SEMA3A: variants seen among roughly 807,000 people sequenced by gnomAD.
SEMA3A encodes the protein semaphorin-3A.
In SEMA3A, 29 loss-of-function variants were observed where a neutral mutation model predicts 97.9. The observed-to-expected ratio is 0.30, with a 90% CI of 0.22 to 0.40. The LOEUF (loss-of-function observed/expected upper bound fraction) is 0.40, where lower values mean the gene tolerates loss of function less well. Among genes scored for constraint, SEMA3A ranks in the 10% least tolerant of loss-of-function variants. SEMA3A has a pLI of 1.00. For synonymous variants in SEMA3A, 321 were observed against 323.7 expected (o/e 0.99, Z 0.09); for missense variants, 763 against 951.3 (o/e 0.80, Z 2.60).
intron 2 of SEMA3A, among the ~76,000 whole-genome samples, chr7:84,352,934 T>C (rs1007886625): frequency 6.6e-6 from 1 of 151,796 alleles, no homozygotes; most frequent in African/African-American, 2.4e-5. Context: ...TAAAGATAAG[T>C]ATCAAATTAA....
At chr7:84,446,225 AG>A (rs1805411802) in intron 1 of SEMA3A, among the ~76,000 whole-genome samples, 2 of 152,220 alleles carry the variant, frequency 1.3e-5, no homozygotes, top group Non-Finnish European at 1.5e-5. Flanking sequence ...CTCTTGATAA[AG>A]AAAAGCATCA....
At chr7:84,395,135 T>C (rs1803690150) in intron 1 of SEMA3A, among the ~76,000 whole-genome samples, 1 of 152,122 alleles carries the variant, frequency 6.6e-6, no homozygotes, top group Non-Finnish European at 1.5e-5. Flanking sequence ...AAATTTCTTA[T>C]GTCACTAGTA....
chr7:84,086,068 C>T (rs1047663051), intron 4 of SEMA3A, among the ~76,000 whole-genome samples: 3 of 152,110 alleles, frequency 2.0e-5, no homozygotes, highest in African/African-American at 7.2e-5. Context: ...ACCCCTGTTG[C>T]TATTATAACT....
At chr7:84,390,841 T>A (rs534192184) in intron 1 of SEMA3A, among the ~76,000 whole-genome samples, 2 of 152,288 alleles carry the variant, frequency 1.3e-5, no homozygotes, top group South Asian at 4.1e-4. Context: ...TGCTGGTGAA[T>A]GAGGAGTTAA....
At chr7:84,218,710 T>A (rs1199075248) in intron 3 of SEMA3A, among the ~76,000 whole-genome samples, 1 of 152,142 alleles carries the variant, frequency 6.6e-6, no homozygotes, top group Non-Finnish European at 1.5e-5. Flanking sequence ...CTGAGTATGG[T>A]AATATAAATG....
intron 1 of SEMA3A, among the ~76,000 whole-genome samples, chr7:84,466,114 C>A (rs199940387): frequency 1.3e-5 from 2 of 152,086 alleles, no homozygotes; most frequent in East Asian, 3.9e-4. Flanking sequence ...CAAAATGCAA[C>A]TTAGTTTTTG....
At chr7:84,475,178 T>G (rs1384314666) in intron 1 of SEMA3A, among the ~76,000 whole-genome samples, 1 of 151,010 alleles carries the variant, frequency 6.6e-6, no homozygotes, top group Non-Finnish European at 1.5e-5. Context: ...TGTGTTTTGT[T>G]TTTTTTTTAA....
chr7:84,155,194 C>T (rs1796804506), intron 1 of SEMA3A, among the ~76,000 whole-genome samples: 1 of 152,148 alleles, frequency 6.6e-6, no homozygotes, highest in African/African-American at 2.4e-5. Flanking sequence ...CAGCACTCTT[C>T]CCCGTGAAGA....
chr7:84,194,100 G>A (rs1226204678), intron 1 of SEMA3A, among the ~76,000 whole-genome samples: 1 of 151,934 alleles, frequency 6.6e-6, no homozygotes, highest in Non-Finnish European at 1.5e-5. Context: ...TTATAGGTAA[G>A]GCATGCACAT....
intron 3 of SEMA3A, among the ~76,000 whole-genome samples, chr7:84,208,407 C>G (rs757950022): frequency 3.7e-5 from 2 of 54,540 alleles, no homozygotes; most frequent in South Asian, 6.7e-4. Flanking sequence ...AGCCGAGATC[C>G]TGCCACTGCA....
At chr7:84,329,732 T>C (rs1053879869) in intron 2 of SEMA3A, among the ~76,000 whole-genome samples, 2 of 152,116 alleles carry the variant, frequency 1.3e-5, no homozygotes, top group African/African-American at 2.4e-5. Flanking sequence ...TGCTACATTA[T>C]ATTTTCTAAT....
chr7:84,449,356 T>C (rs1451852900), intron 1 of SEMA3A, among the ~76,000 whole-genome samples: 1 of 151,762 alleles, frequency 6.6e-6, no homozygotes, highest in African/African-American at 2.4e-5. Flanking sequence ...ACAAACTAAG[T>C]ACAAATCAAT....
At chr7:84,471,172 C>A (rs1048498699) in intron 1 of SEMA3A, among the ~76,000 whole-genome samples, 3 of 152,068 alleles carry the variant, frequency 2.0e-5, no homozygotes, top group Non-Finnish European at 4.4e-5. Context: ...TGTAATGTTT[C>A]TTTTCTGTCC....
chr7:84,112,544 C>T lies in SEMA3A; in HGVS notation c.334-1955G>A, dbSNP rs1363414687. Among the ~76,000 whole-genome samples the T allele has an allele frequency of 2.0e-5, 3 of 152,094 alleles. No individual in the cohort carries two copies. The East Asian group carries it at 5.8e-4, about 29-fold the overall frequency. On this transcript the variant is annotated intron_variant, in intron 3 of 16. Transcript: ENST00000265362. Reference sequence around the variant, plus strand: ...AATAAAAAAGGAAAAACATATTTTACCAGTAAGAAGACTTGTGAACAAAAC... The same window carrying T: ...AATAAAAAAGGAAAAACATATTTTATCAGTAAGAAGACTTGTGAACAAAAC...
rs149545248 is a variant in SEMA3A, at chr7:84,398,372, G to A, written c.-245-26472C>T. 6.6e-5 allele frequency among the ~76,000 whole-genome samples: 10 copies of A among 152,246 alleles called. 1 individual carries two copies. In the East Asian group the frequency reaches 7.7e-4, roughly 12 times the overall value. On this transcript the variant is annotated intron_variant, in intron 1 of 3. Coordinates refer to the SEMA3A transcript ENST00000424555. ...GTCCTGATTAATATTATTGTAGCAC[G>A]TGACATTCATGACAATTTGTGTCTT...
chr7:84,052,261 G>C (rs1021524235), intron 5 of SEMA3A, among the ~76,000 whole-genome samples: 6 of 152,036 alleles, frequency 3.9e-5, no homozygotes, highest in Non-Finnish European at 7.4e-5. Flanking sequence ...TTTTTCTATT[G>C]ATTGGAATAG....
At chr7:84,177,697 G>A (rs756375504) in intron 1 of SEMA3A, among the ~76,000 whole-genome samples, 1 of 152,050 alleles carries the variant, frequency 6.6e-6, no homozygotes, top group Non-Finnish European at 1.5e-5. Flanking sequence ...TAAAATGAAT[G>A]AGAGATGTAA....
At chr7:84,473,546 G>A (rs900568353) in intron 1 of SEMA3A, among the ~76,000 whole-genome samples, 6 of 151,490 alleles carry the variant, frequency 4.0e-5, no homozygotes, top group African/African-American at 9.7e-5. Context: ...GCACCACCAC[G>A]CCTGGCTAAT....
At chr7:84,354,972 C>T (rs745517382) in intron 2 of SEMA3A, among the ~76,000 whole-genome samples, 4 of 151,618 alleles carry the variant, frequency 2.6e-5, no homozygotes, top group African/African-American at 4.8e-5. Flanking sequence ...TCTCCTATTT[C>T]AACTTCTTCA....
Sources: allele counts gnomAD v4.1 joint callset (sites outside exome capture counted in the v4.1 genomes callset), GRCh38; gene constraint gnomAD v4.1.1; transcripts MANE v1.5; gene names NCBI Gene and HGNC (gene_info 2026-07-23, HGNC 2026-07-21).